THRB: variants seen among roughly 807,000 people sequenced by gnomAD.
The protein encoded by THRB is thyroid hormone receptor beta, also known as nuclear receptor subfamily 1 group A member 2.
Under a neutral mutation model 47.8 loss-of-function variants are expected in THRB, and 12 were observed. The ratio of observed to expected loss-of-function variants is 0.25; its 90% CI spans 0.16 to 0.41. THRB has a LOEUF of 0.41. Ranked by LOEUF, THRB falls within the 10% of genes least tolerant of loss-of-function variation. The probability of loss-of-function intolerance (pLI) is 1.00; values close to 1 mark genes in which losing one functional copy is unlikely to be tolerated. For missense variants in THRB, 348 were observed against 589.2 expected, an observed-to-expected ratio of 0.59 and a Z score of 4.24; for synonymous variants, 218 against 212.2, an observed-to-expected ratio of 1.03 and a Z score of -0.24.
intron 1 of THRB, among the ~76,000 whole-genome samples, chr3:24,451,768 CCAATAAGCA>C (rs1286926371): frequency 1.3e-5 from 2 of 152,184 alleles, no homozygotes; most frequent in Non-Finnish European, 2.9e-5. Flanking sequence ...AGACTTGCAG[CCAATAAGCA>C]CAAAGCTGAC....
At chr3:24,188,148 C>G (rs1456977712) in intron 5 of THRB, among the ~76,000 whole-genome samples, 1 of 152,172 alleles carries the variant, frequency 6.6e-6, no homozygotes, top group East Asian at 1.9e-4. Flanking sequence ...TGTCCTACCC[C>G]ACATCTATCT....
intron 8 of THRB, among the ~76,000 whole-genome samples, chr3:24,141,152 T>C (rs1481723608): frequency 6.6e-6 from 1 of 152,232 alleles, no homozygotes; most frequent in East Asian, 1.9e-4. Flanking sequence ...AATAAAACTC[T>C]CTTGTGCATG....
intron 10 of THRB, among the ~76,000 whole-genome samples, chr3:24,127,232 C>T (rs1016494004): frequency 2.6e-5 from 4 of 152,208 alleles, no homozygotes; most frequent in African/African-American, 9.6e-5. Flanking sequence ...GAGGGCTGCA[C>T]AGTATCCACC....
chr3:24,349,287 C>G (rs1185843939), intron 1 of THRB, among the ~76,000 whole-genome samples: 1 of 151,808 alleles, frequency 6.6e-6, no homozygotes, highest in Non-Finnish European at 1.5e-5. Flanking sequence ...TATATAGATT[C>G]AATATACAGT....
chr3:24,473,426 A>G (rs886833096), intron 1 of THRB, among the ~76,000 whole-genome samples: 6 of 152,226 alleles, frequency 3.9e-5, no homozygotes, highest in Non-Finnish European at 8.8e-5. Context: ...GATCATTAAA[A>G]AGTCAAGAAA....
chr3:24,446,804 T>C (rs1006845421), intron 1 of THRB, among the ~76,000 whole-genome samples: 1 of 152,154 alleles, frequency 6.6e-6, no homozygotes, highest in Non-Finnish European at 1.5e-5. Flanking sequence ...TCCATAGCTT[T>C]ATCCTGAAAC....
chr3:24,141,979 T>C (rs542820189), intron 8 of THRB, among the ~76,000 whole-genome samples: 1 of 152,376 alleles, frequency 6.6e-6, no homozygotes, highest in African/African-American at 2.4e-5. Context: ...TTGAATTTTC[T>C]GGCAGATATA....
At chr3:24,385,150 T>C (rs1450167158) in intron 1 of THRB, among the ~76,000 whole-genome samples, 1 of 152,120 alleles carries the variant, frequency 6.6e-6, no homozygotes, top group Non-Finnish European at 1.5e-5. Context: ...AAGAATTCCA[T>C]TACAAATAAT....
chr3:24,208,346 T>G (rs1253148703), intron 4 of THRB, among the ~76,000 whole-genome samples: 2 of 152,272 alleles, frequency 1.3e-5, no homozygotes, highest in Non-Finnish European at 2.9e-5. Context: ...TGGAAAAAAC[T>G]ACTTTAAAGT....
chr3:24,294,350 G>A (rs1217905357), intron 3 of THRB, among the ~76,000 whole-genome samples: 1 of 152,062 alleles, frequency 6.6e-6, no homozygotes, highest in Non-Finnish European at 1.5e-5. Context: ...AATCATGAGA[G>A]GTAAAAAATA....
chr3:24,185,068 T>A (rs1340656246), intron 5 of THRB, among the ~76,000 whole-genome samples: 1 of 152,264 alleles, frequency 6.6e-6, no homozygotes, highest in Middle Eastern at 3.2e-3. Context: ...TTGATTCATT[T>A]TTTTTGTCTT....
chr3:24,207,955 T>C (rs1412073146), intron 4 of THRB, among the ~76,000 whole-genome samples: 1 of 152,156 alleles, frequency 6.6e-6, no homozygotes, highest in Non-Finnish European at 1.5e-5. Flanking sequence ...CCCCATCGTC[T>C]CAGCCCAAAA....
At chr3:24,224,459 C>T (rs1427394689) in intron 4 of THRB, among the ~76,000 whole-genome samples, 1 of 151,904 alleles carries the variant, frequency 6.6e-6, no homozygotes, top group East Asian at 1.9e-4. Context: ...CCATCAGTAA[C>T]CTTTTGAAAC....
chr3:24,294,352 T>TA (rs753000937), intron 3 of THRB, among the ~76,000 whole-genome samples: 8 of 152,106 alleles, frequency 5.3e-5, no homozygotes, highest in Non-Finnish European at 1.0e-4. Flanking sequence ...TCATGAGAGG[T>TA]AAAAAATAGT....
Position 24,190,242 on chromosome 3 carries a change from T to C in THRB, c.115A>G (p.Arg39Gly), listed in dbSNP as rs879549499. The C allele has an allele frequency of 8.7e-6, 14 of 1,613,944 alleles. No homozygotes were observed. Among genetic ancestry groups the C allele is most frequent in the African/African-American group, 2.7e-5 (2 of 74,890 alleles). The part of the protein sequence containing the change: ...LVGMSEACLH[R>G]KSHSERRSTL... The stretch of plus-strand genomic sequence containing the variant: ...CTGCGCCTCTCTGAATGGCTCTTCC[T>C]ATGTAGGCAGGCTTCAGACATTCCT... Residue 39 changes from arginine (R) to glycine (G), a missense_variant, in exon 5 of 11, where the codon AGG becomes GGG. Physicochemically the swap from Arg to Gly is moderately radical, Grantham distance 125 (BLOSUM62 -2). Transcript: ENST00000646209.
intron 2 of THRB, among the ~76,000 whole-genome samples, chr3:24,318,847 C>T (rs572367303): frequency 6.6e-6 from 1 of 152,290 alleles, no homozygotes; most frequent in East Asian, 1.9e-4. Flanking sequence ...TCTGACTAGG[C>T]TGAGATGATT....
At position 24,470,429 on chromosome 3, in the gene THRB, T is replaced by C. The variant is rs138257888; in HGVS notation, c.-261+24223A>G. On this transcript the variant is annotated intron_variant, in intron 1 of 10. Coordinates refer to ENST00000646209, the MANE Select transcript of THRB (RefSeq NM_001354712.2). ...TCCCAGTTCCACCATGTACTAGCTA[T>C]GTGACCTTAGGAAAGTTGCTCAACC... Among the ~76,000 whole-genome samples the C allele has an allele frequency of 5.3e-3, 803 of 152,334 alleles. 7 individuals are homozygous for C. Among genetic ancestry groups the C allele is most frequent in the African/African-American group, 0.018 (764 of 41,580 alleles).
intron 1 of THRB, among the ~76,000 whole-genome samples, chr3:24,388,833 A>G (rs755513677): frequency 1.3e-5 from 2 of 151,888 alleles, no homozygotes; most frequent in African/African-American, 2.4e-5. Flanking sequence ...TCAACAATTT[A>G]TATCTCTCAT....
At chr3:24,359,902 T>TA (rs147319546) in intron 1 of THRB, among the ~76,000 whole-genome samples, 3,122 of 152,194 alleles carry the variant, frequency 0.021, 42 homozygotes, top group African/African-American at 0.038. Context: ...TTTGTCCGTT[T>TA]AAAAAAACTT....
Sources: gnomAD v4.1 joint callset for allele counts (sites outside exome capture counted in the v4.1 genomes callset) on GRCh38, gnomAD v4.1.1 for gene constraint, MANE v1.5 for transcripts, NCBI Gene and HGNC (gene_info 2026-07-23, HGNC 2026-07-21) for gene names.